Variants in NUP42 observed in about 807,000 individuals in gnomAD.
NUP42 encodes nucleoporin 42.
Under a neutral mutation model 35.9 loss-of-function variants are expected in NUP42, and 47 were observed. The observed-to-expected ratio is 1.31, with a 90% CI of 1.04 to 1.67. The LOEUF is 1.67. Ranked by LOEUF, NUP42 falls within the 40% of genes most tolerant of loss-of-function variation. NUP42 has a pLI of 0.00. For missense variants in NUP42, 514 were observed against 492.2 expected (o/e 1.04, Z -0.42); for synonymous variants, 173 against 173.3 (o/e 1.00, Z 0.01).
At chr7:23,182,475 G>C (rs1583753312) in intron 1 of NUP42, 2 of 1,266,362 alleles carry the variant, frequency 1.6e-6, no homozygotes, top group African/African-American at 3.0e-5. Context: ...AGTACCTATC[G>C]AAACTACCTT....
intron 2 of NUP42, 50 bp from the exon 3 acceptor site, chr7:23,187,002 C>A (rs748906941): frequency 1.6e-6 from 2 of 1,225,200 alleles, no homozygotes; most frequent in South Asian, 1.4e-5. Flanking sequence ...TAAATTTTAC[C>A]AAGCAGCTAA....
chr7:23,197,545 T>C (rs200123690), intron 5 of NUP42, among the ~76,000 whole-genome samples: 24 of 152,232 alleles, frequency 1.6e-4, no homozygotes, highest in Non-Finnish European at 2.5e-4. Flanking sequence ...GGAAGTAGTC[T>C]GTCCTTGTGT....
chr7:23,191,120 A>G (rs1785775221), intron 3 of NUP42, among the ~76,000 whole-genome samples: 1 of 152,232 alleles, frequency 6.6e-6, no homozygotes. Context: ...TTTACAGACT[A>G]GTGGGGCCTG....
intron 3 of NUP42, among the ~76,000 whole-genome samples, chr7:23,192,573 A>T (rs951565763): frequency 3.3e-5 from 5 of 151,792 alleles, no homozygotes; most frequent in Non-Finnish European, 5.9e-5. Context: ...AGAAAAAGAA[A>T]ATCATAAGGA....
At chr7:23,192,924 T>C (rs1475066501) in intron 3 of NUP42, among the ~76,000 whole-genome samples, 3 of 152,106 alleles carry the variant, frequency 2.0e-5, no homozygotes, top group Non-Finnish European at 2.9e-5. Context: ...TCGCGGTGAG[T>C]GTTACAGTTC....
chr7:23,184,156 C>G (rs1306802402), intron 1 of NUP42, among the ~76,000 whole-genome samples: 1 of 152,042 alleles, frequency 6.6e-6, no homozygotes, highest in East Asian at 1.9e-4. Context: ...TATTGGAAAG[C>G]TGGTAGAGGA....
chr7:23,184,099 A>T (rs964755605), intron 1 of NUP42, among the ~76,000 whole-genome samples: 2 of 152,190 alleles, frequency 1.3e-5, no homozygotes, highest in African/African-American at 4.8e-5. Flanking sequence ...AAACCAATAT[A>T]TAAAGAGAGG....
rs777902850 is a variant in NUP42 at position 23,200,178 on chromosome 7, C to G, written c.705C>G (p.Val235=). The G allele has an allele frequency of 6.4e-7, 1 of 1,567,434 alleles. No homozygotes were observed. Among genetic ancestry groups the G allele is most frequent in the South Asian group, 1.2e-5 (1 of 83,534 alleles). ...TGTTGTTGTTTGTAGGCTTTCCAGT[C>G]AATAACAGCAGCAGTGATAATGCTC... The part of the protein sequence containing the change: ...AATFMSPGFP[V]NNSSSDNAQN... Residue 235 remains valine, a synonymous_variant, in exon 7 of 7, where the codon GTC becomes GTG. Transcript: ENST00000258742.
intron 3 of NUP42, among the ~76,000 whole-genome samples, chr7:23,190,802 A>T (rs58941848): frequency 0.037 from 5,690 of 152,266 alleles, 262 homozygotes; most frequent in African/African-American, 0.11. Context: ...AAATAAAAAT[A>T]AAAAATTAAA....
intron 3 of NUP42, among the ~76,000 whole-genome samples, chr7:23,189,912 CAAA>C (rs201659228): frequency 3.4e-5 from 3 of 86,992 alleles, no homozygotes; most frequent in Non-Finnish European, 5.0e-5. Context: ...GACTCTGTCT[CAAA>C]AAAAAAAAAA....
At chr7:23,187,176 A>G in intron 3 of NUP42, 30 bp downstream of exon 3, 3 of 1,434,866 alleles carry the variant, frequency 2.1e-6, no homozygotes, top group Middle Eastern at 1.8e-4. Context: ...TTTTTAAAGT[A>G]TGTTCTAAAA....
chr7:23,196,803 A>G, intron 5 of NUP42, 37 bp downstream of exon 5: 1 of 1,383,564 alleles, frequency 7.2e-7, no homozygotes, highest in Non-Finnish European at 1.0e-6. Flanking sequence ...GAAGTGTCTT[A>G]CCTATTGCTT....
rs1786181243 is a variant in NUP42, at chr7:23,200,466, A to C, written c.993A>C (p.Pro331=). The stretch of plus-strand genomic sequence containing the variant: ...TGGCAACAGGTCCTGTCAGAGCTCC[A>C]GTGGCCCCAGCCTTTGGAGGTGGCA... ...ASLATGPVRA[P]VAPAFGGGSS... The change falls in exon 7 of 7, where the codon CCA becomes CCC. Residue 331 remains proline (P), a synonymous_variant. Coordinates refer to ENST00000258742, the MANE Select transcript of NUP42 (RefSeq NM_007342.3). 6.8e-6 allele frequency: 11 copies of C among 1,614,220 alleles called. No homozygotes were observed. The highest frequency in any genetic ancestry group is 9.3e-6 in the Non-Finnish European group (11 of 1,180,026).
chr7:23,200,934 G>A lies in NUP42; in HGVS notation c.*189G>A. ...AAAGTAACAAAAACTCTGCAAGCAA[G>A]GGAATTTTTTTGTACTGTAATTTTG... On this transcript the variant is annotated 3_prime_UTR_variant, in exon 7 of 7. Coordinates refer to ENST00000258742, the MANE Select transcript of NUP42 (RefSeq NM_007342.3). The A allele has an allele frequency of 2.8e-6, 1 of 357,242 alleles. No individual in the cohort carries two copies. Among genetic ancestry groups the A allele is most frequent in the Non-Finnish European group, 4.9e-6 (1 of 205,698 alleles). 22.1% of individuals were successfully genotyped at this position (357,242 alleles called of 1,614,324 possible).
intron 2 of NUP42, among the ~76,000 whole-genome samples, chr7:23,185,813 C>T (rs971908082): frequency 2.0e-5 from 3 of 152,164 alleles, no homozygotes; most frequent in Middle Eastern, 3.2e-3. Context: ...AATCTCGGCT[C>T]GCTGCAGCCT....
At chr7:23,191,633 T>G (rs1468327364) in intron 3 of NUP42, among the ~76,000 whole-genome samples, 2 of 152,212 alleles carry the variant, frequency 1.3e-5, no homozygotes, top group Non-Finnish European at 2.9e-5. Context: ...AGGAATTCTT[T>G]GTAGAAAATA....
intron 6 of NUP42, 54 bp downstream of exon 6, chr7:23,199,596 A>T (rs917062951): frequency 2.7e-5 from 39 of 1,451,878 alleles, no homozygotes; most frequent in Non-Finnish European, 3.8e-5. Flanking sequence ...TAGATTTTAT[A>T]GGTTTCAAAT....
At chr7:23,193,995 C>T (rs909584269) in intron 3 of NUP42, among the ~76,000 whole-genome samples, 2 of 152,238 alleles carry the variant, frequency 1.3e-5, no homozygotes, top group African/African-American at 2.4e-5. Context: ...TCTCATTGCC[C>T]GGCAGGGCCA....
Position 23,187,146 on chromosome 7 carries a change from G to T in NUP42, c.445G>T (p.Gly149Cys). Residue 149 changes from glycine to cysteine, a missense_variant and splice_region_variant, in exon 3 of 7, where the codon GGT (glycine) becomes TGT (cysteine). By Grantham distance (159) the Gly-to-Cys change is radical. Transcript: ENST00000258742. Reference sequence around the variant, plus strand: ...AGTGAAAAAGAAACCTAATATTTCAGGTAACTGAAAAATTGTGCATTTTTA... The same window carrying T: ...AGTGAAAAAGAAACCTAATATTTCATGTAACTGAAAAATTGTGCATTTTTA... The part of the protein sequence containing the change: ...SPVKKKPNIS[G>C]FTDISPEELR... 6.3e-7 allele frequency: 1 copy of T among 1,587,900 alleles called. No individual in the cohort carries two copies. The highest frequency in any genetic ancestry group is 1.1e-5 in the South Asian group (1 of 87,844).
Sources: allele counts gnomAD v4.1 joint callset (sites outside exome capture counted in the v4.1 genomes callset), GRCh38; gene constraint gnomAD v4.1.1; transcripts MANE v1.5; gene names NCBI Gene and HGNC (gene_info 2026-07-23, HGNC 2026-07-21).